Variants in AUTS2 observed in about 807,000 individuals in gnomAD.
AUTS2 encodes activator of transcription and developmental regulator AUTS2.
Under a neutral mutation model 112.4 loss-of-function variants are expected in AUTS2, and 17 were observed. That is an observed-to-expected ratio of 0.15 (90% CI 0.10 to 0.23). The LOEUF (loss-of-function observed/expected upper bound fraction) is 0.23, where lower values mean the gene tolerates loss of function less well. Among genes scored for constraint, AUTS2 ranks in the 10% least tolerant of loss-of-function variants. AUTS2 has a pLI of 1.00. For missense variants in AUTS2, 1,510 were observed against 1,701.6 expected (o/e 0.89, Z 1.98); for synonymous variants, 751 against 702.7 (o/e 1.07, Z -1.09).
chr7:70,434,313 A>G (rs1164053681), intron 4 of AUTS2, among the ~76,000 whole-genome samples: 2 of 152,192 alleles, frequency 1.3e-5, no homozygotes, highest in Admixed American at 1.3e-4. Context: ...TTTTAACCTC[A>G]AAGTGTCAGG....
intron 2 of AUTS2, among the ~76,000 whole-genome samples, chr7:70,005,742 C>T (rs1191154804): frequency 1.3e-5 from 2 of 152,126 alleles, no homozygotes; most frequent in Non-Finnish European, 2.9e-5. Flanking sequence ...AAGGAAGTGG[C>T]TGATGAAGCC....
At chr7:70,134,881 C>A (rs1806469063) in intron 4 of AUTS2, among the ~76,000 whole-genome samples, 1 of 152,052 alleles carries the variant, frequency 6.6e-6, no homozygotes, top group South Asian at 2.1e-4. Context: ...TCCACAATTA[C>A]TTTTTTAGTA....
intron 5 of AUTS2, among the ~76,000 whole-genome samples, chr7:70,677,558 G>A (rs1585490137): frequency 6.6e-6 from 1 of 152,080 alleles, no homozygotes; most frequent in African/African-American, 2.4e-5. Context: ...GCTTTGCCCC[G>A]TGTCTCCTGC....
At chr7:70,450,430 G>A (rs965970738) in intron 5 of AUTS2, among the ~76,000 whole-genome samples, 1 of 152,210 alleles carries the variant, frequency 6.6e-6, no homozygotes, top group Non-Finnish European at 1.5e-5. Context: ...CAAGAATGGG[G>A]TAGATCACAG....
chr7:69,954,721 G>A (rs137971262), intron 2 of AUTS2, among the ~76,000 whole-genome samples: 166 of 152,338 alleles, frequency 1.1e-3, no homozygotes, highest in African/African-American at 3.9e-3. Flanking sequence ...CTTATGCAAG[G>A]TCATAAAGCT....
chr7:69,778,274 T>A (rs1414810639), intron 1 of AUTS2, among the ~76,000 whole-genome samples: 1 of 150,268 alleles, frequency 6.7e-6, no homozygotes, highest in Non-Finnish European at 1.5e-5. Context: ...TCATTTGGTC[T>A]GTGTCATGAG....
At chr7:70,651,497 A>C (rs1362656109) in intron 5 of AUTS2, among the ~76,000 whole-genome samples, 1 of 152,224 alleles carries the variant, frequency 6.6e-6, no homozygotes, top group Non-Finnish European at 1.5e-5. Context: ...AGCTTAGCCC[A>C]GCCCCCCTTA....
At chr7:69,791,134 T>C (rs1185164381) in intron 1 of AUTS2, among the ~76,000 whole-genome samples, 2 of 152,188 alleles carry the variant, frequency 1.3e-5, no homozygotes, top group African/African-American at 4.8e-5. Flanking sequence ...CAAGCATGCT[T>C]TTTAAAAATA....
chr7:70,599,600 G>A (rs1238778159), intron 5 of AUTS2, among the ~76,000 whole-genome samples: 1 of 152,212 alleles, frequency 6.6e-6, no homozygotes, highest in Non-Finnish European at 1.5e-5. Flanking sequence ...AGGTGGGGTT[G>A]TCCCATGATC....
At chr7:70,003,200 TTA>T (rs1228723690) in intron 2 of AUTS2, among the ~76,000 whole-genome samples, 2 of 135,082 alleles carry the variant, frequency 1.5e-5, no homozygotes, top group South Asian at 2.2e-4. Flanking sequence ...TATGAATATA[TTA>T]TATATGAATA....
intron 4 of AUTS2, among the ~76,000 whole-genome samples, chr7:70,197,050 TTG>T (rs943627607): frequency 1.3e-5 from 2 of 152,202 alleles, no homozygotes; most frequent in Non-Finnish European, 2.9e-5. Context: ...TTCAGGCACT[TTG>T]TGTTTGTGTG....
chr7:70,533,665 A>G (rs1160355036), intron 5 of AUTS2, among the ~76,000 whole-genome samples: 8 of 152,242 alleles, frequency 5.3e-5, no homozygotes, highest in Non-Finnish European at 1.0e-4. Context: ...GGTGACACTA[A>G]TAAAATCACA....
At chr7:70,400,820 A>G (rs961885761) in intron 4 of AUTS2, among the ~76,000 whole-genome samples, 2 of 152,034 alleles carry the variant, frequency 1.3e-5, no homozygotes, top group African/African-American at 4.8e-5. Context: ...ACCCAGACTT[A>G]CTCAATCCTA....
At chr7:70,259,165 A>G (rs982286400) in intron 4 of AUTS2, among the ~76,000 whole-genome samples, 4 of 152,150 alleles carry the variant, frequency 2.6e-5, no homozygotes, top group Non-Finnish European at 5.9e-5. Context: ...TCTGTCCACG[A>G]TGCGAGCATG....
chr7:70,654,028 A>G (rs1806642565), intron 5 of AUTS2, among the ~76,000 whole-genome samples: 1 of 152,164 alleles, frequency 6.6e-6, no homozygotes, highest in South Asian at 2.1e-4. Flanking sequence ...ATGGAAGAAA[A>G]AAGGATGGAC....
At chr7:69,914,649 C>G (rs550893726) in intron 2 of AUTS2, among the ~76,000 whole-genome samples, 1 of 151,498 alleles carries the variant, frequency 6.6e-6, no homozygotes, top group Non-Finnish European at 1.5e-5. Flanking sequence ...AAAACCATAG[C>G]CTTCCATCTT....
intron 1 of AUTS2, among the ~76,000 whole-genome samples, chr7:69,862,929 T>A (rs1793056231): frequency 6.6e-6 from 1 of 152,198 alleles, no homozygotes; most frequent in South Asian, 2.1e-4. Context: ...CTGTTTAAAA[T>A]GATGCTTGGA....
chr7:69,982,515 G>A (rs1259988829), intron 2 of AUTS2, among the ~76,000 whole-genome samples: 4 of 152,182 alleles, frequency 2.6e-5, no homozygotes, highest in Non-Finnish European at 5.9e-5. Flanking sequence ...GAGTATGCAT[G>A]TTATGTATGT....
intron 1 of AUTS2, among the ~76,000 whole-genome samples, chr7:69,744,864 C>G (rs377382232): frequency 6.6e-6 from 1 of 152,038 alleles, no homozygotes; most frequent in Non-Finnish European, 1.5e-5. Flanking sequence ...CTTAGAATTT[C>G]TATAAACAAG....
Sources: allele counts gnomAD v4.1 joint callset (sites outside exome capture counted in the v4.1 genomes callset), GRCh38; gene constraint gnomAD v4.1.1; transcripts MANE v1.5; gene names NCBI Gene and HGNC (gene_info 2026-07-23, HGNC 2026-07-21).